RCL1: variants seen among roughly 807,000 people sequenced by gnomAD.
RCL1 encodes RNA 3'-terminal phosphate cyclase-like protein.
A neutral mutation model predicts 42.4 loss-of-function variants in RCL1; 24 were observed. The ratio of observed to expected loss-of-function variants is 0.57; its 90% confidence interval spans 0.41 to 0.80. RCL1 has a LOEUF of 0.80. RCL1 is among the 30% of genes least tolerant of loss of function. The pLI is 0.00. For missense variants in RCL1, 578 were observed against 467.9 expected (o/e 1.24, Z -2.17); for synonymous variants, 228 against 177.3 (o/e 1.29, Z -2.27).
rs781304443 is a variant in RCL1 at position 4,833,273 on chromosome 9, T to C, written c.459+45T>C. 20 of 1,403,144 alleles carry C rather than the reference T, an allele frequency of 1.4e-5. No homozygotes were observed. In the East Asian group the frequency reaches 4.3e-4, roughly 30 times the overall value. The allele number at this position is 1,403,144 out of a possible 1,614,324, so 86.9% of individuals were successfully genotyped here. A position where few individuals can be genotyped will look rare whatever the true frequency, so the allele number is the denominator to read the frequency against. ...TGACCATATGTTCCTGTGGAAAACA[T>C]TTTCCCACTGACTCATTGGAAGAGC... is the stretch of plus-strand genomic sequence containing the variant. On this transcript the variant is annotated intron_variant, in intron 4 of 8. Coordinates refer to ENST00000381750, the MANE Select transcript of RCL1 (RefSeq NM_005772.5).
At chr9:4,819,556 C>T (rs1426455051) in intron 1 of RCL1, among the ~76,000 whole-genome samples, 1 of 152,206 alleles carries the variant, frequency 6.6e-6, no homozygotes, top group Admixed American at 6.5e-5. Context: ...CGCCTGTAAT[C>T]CCAGCACTTT....
intron 5 of RCL1, among the ~76,000 whole-genome samples, chr9:4,838,629 T>C (rs1817216461): frequency 6.6e-6 from 1 of 152,180 alleles, no homozygotes; most frequent in Non-Finnish European, 1.5e-5. Context: ...CATGGAACAT[T>C]GGGGAAGGGG....
chr9:4,821,534 C>G (rs1816596413), intron 1 of RCL1, among the ~76,000 whole-genome samples: 1 of 152,172 alleles, frequency 6.6e-6, no homozygotes, highest in African/African-American at 2.4e-5. Flanking sequence ...GCCAAGAAAT[C>G]CAATATCAAG....
intron 8 of RCL1, among the ~76,000 whole-genome samples, chr9:4,856,355 C>G (rs1817961830): frequency 6.6e-6 from 1 of 152,128 alleles, no homozygotes. Flanking sequence ...CAAAATTACC[C>G]CAACTCCTAA....
intron 1 of RCL1, among the ~76,000 whole-genome samples, chr9:4,822,445 C>T (rs1305758764): frequency 6.6e-6 from 1 of 152,134 alleles, no homozygotes; most frequent in Admixed American, 6.5e-5. Context: ...ACTTCTCCTC[C>T]CATAATCTTA....
rs1164213227 is a variant in RCL1, at chr9:4,811,968, C to CAT, written c.137-11576_137-11575dup. ...TAATTAGTGATGCTGAGCACTTTTT[C>CAT]ATATACCTGTTGGCCATTTGTATGT... On this transcript the variant is annotated intron_variant, in intron 1 of 8. Transcript: ENST00000381750. Among the ~76,000 whole-genome samples the CAT allele has an allele frequency of 9.9e-5, 15 of 152,274 alleles. No homozygotes were observed. The East Asian group carries it at 2.3e-3, about 23-fold the overall frequency.
chr9:4,833,195 A>G lies in RCL1; in HGVS notation c.426A>G (p.Gln142=), dbSNP rs574690252. ...LKATALPLLK[Q]FGIDGESFEL... ...CAACAGCACTCCCTTTGTTGAAACA[A>G]TTTGGGATTGATGGTGAATCATTTG... The change falls in exon 4 of 9, where the codon CAA becomes CAG. Residue 142 remains glutamine (Q), a synonymous_variant. Transcript: ENST00000381750. 2.5e-5 allele frequency: 40 copies of G among 1,613,378 alleles called. No individual in the cohort carries two copies. In the East Asian group the frequency reaches 6.2e-4, roughly 25 times the overall value.
In RCL1 at chr9:4,826,909, A is replaced by G; in HGVS notation, c.260A>G (p.His87Arg). 2 of 1,614,166 alleles carry G rather than the reference A, an allele frequency of 1.2e-6. No individual in the cohort carries two copies. Among genetic ancestry groups the G allele is most frequent in the Non-Finnish European group, 1.7e-6 (2 of 1,180,016 alleles). Reference sequence around the variant, plus strand: ...CTCCTGTATGGTGGATCTGTGGAACATGACTGTAGCGTCCTTCGTGGCATT... The same window carrying G: ...CTCCTGTATGGTGGATCTGTGGAACGTGACTGTAGCGTCCTTCGTGGCATT... ...PGLLYGGSVE[H>R]DCSVLRGIGY... Residue 87 changes from histidine to arginine, a missense_variant, in exon 3 of 9, where the codon CAT (histidine) becomes CGT (arginine). Coordinates refer to ENST00000381750, the MANE Select transcript of RCL1 (RefSeq NM_005772.5).
intron 1 of RCL1, among the ~76,000 whole-genome samples, chr9:4,809,508 C>G (rs951587275): frequency 6.6e-6 from 1 of 152,110 alleles, no homozygotes; most frequent in African/African-American, 2.4e-5. Flanking sequence ...CGGGATTTCA[C>G]CAAGTTGGCC....
At chr9:4,802,021 G>A (rs908281574) in intron 1 of RCL1, among the ~76,000 whole-genome samples, 4 of 150,208 alleles carry the variant, frequency 2.7e-5, no homozygotes, top group Non-Finnish European at 5.9e-5. Flanking sequence ...CGATTCTCCT[G>A]TCTCAGTCTC....
intron 1 of RCL1, among the ~76,000 whole-genome samples, chr9:4,799,746 T>A (rs1842968228): frequency 6.6e-6 from 1 of 152,340 alleles, no homozygotes; most frequent in South Asian, 2.1e-4. Flanking sequence ...GGGCCTTGAA[T>A]GAGTCCTGTA....
intron 7 of RCL1, among the ~76,000 whole-genome samples, chr9:4,849,137 G>T (rs1817624467): frequency 6.9e-6 from 1 of 145,178 alleles, no homozygotes. Flanking sequence ...ATGTCCTCCT[G>T]CTGCTGCTTT....
rs527247994 is a variant in RCL1 at position 4,817,126 on chromosome 9, T to G, written c.137-6422T>G. Among the ~76,000 whole-genome samples the G allele has an allele frequency of 4.9e-4, 42 of 85,040 alleles. No individual in the cohort carries two copies. In the South Asian group the frequency reaches 0.022, roughly 45 times the overall value. 55.8% of individuals were successfully genotyped at this position (85,040 alleles called of 152,430 possible). On this transcript the variant is annotated intron_variant, in intron 1 of 8. Coordinates refer to ENST00000381750, the MANE Select transcript of RCL1 (RefSeq NM_005772.5). ...GCCACTGTTCCCGGCCAATAATTAT[T>G]TTTTTCTTTGAATGTTGGGGAAAAA... is the stretch of plus-strand genomic sequence containing the variant.
intron 5 of RCL1, among the ~76,000 whole-genome samples, chr9:4,840,954 C>T (rs1314209023): frequency 6.6e-6 from 1 of 152,072 alleles, no homozygotes; most frequent in Non-Finnish European, 1.5e-5. Flanking sequence ...TGAACCATTT[C>T]TAGGGGAAGC....
intron 5 of RCL1, among the ~76,000 whole-genome samples, chr9:4,835,724 G>C (rs1049326709): frequency 6.6e-6 from 1 of 152,190 alleles, no homozygotes; most frequent in Non-Finnish European, 1.5e-5. Flanking sequence ...CGCCGGCTGC[G>C]CCACTTACCA....
At chr9:4,831,214 C>A (rs770972982) in intron 3 of RCL1, among the ~76,000 whole-genome samples, 3 of 152,170 alleles carry the variant, frequency 2.0e-5, no homozygotes, top group African/African-American at 4.8e-5. Context: ...CCTGGAATTA[C>A]CCTTGGGCTT....
intron 1 of RCL1, among the ~76,000 whole-genome samples, chr9:4,806,017 GGT>G (rs58494209): frequency 0.11 from 15,698 of 142,678 alleles, 1,377 homozygotes; most frequent in East Asian, 0.53. Context: ...ATACCATTGG[GGT>G]GTGTGTGTGT....
rs539937885 is a variant in RCL1, at chr9:4,825,477, T to C, written c.209-1381T>C. Among the ~76,000 whole-genome samples, 8 of 152,338 alleles carry C rather than the reference T, an allele frequency of 5.3e-5. No homozygotes were observed. The South Asian group carries it at 1.7e-3, about 32-fold the overall frequency. ...AGTCCATTTGAGAAGTGTTCATTAC[T>C]TTGATCAGAATATGGTCCTGATTGT... is the stretch of plus-strand genomic sequence containing the variant. On this transcript the variant is annotated intron_variant, in intron 2 of 8. Transcript: ENST00000381750.
intron 1 of RCL1, among the ~76,000 whole-genome samples, chr9:4,806,788 A>G (rs564514257): frequency 6.6e-6 from 1 of 152,282 alleles, no homozygotes; most frequent in African/African-American, 2.4e-5. Context: ...AATTAAATCA[A>G]TTGGAAAGTT....
Sources: gnomAD v4.1 joint callset for allele counts (sites outside exome capture counted in the v4.1 genomes callset) on GRCh38, gnomAD v4.1.1 for gene constraint, MANE v1.5 for transcripts, NCBI Gene and HGNC (gene_info 2026-07-23, HGNC 2026-07-21) for gene names.